PRDM16: variants seen among roughly 807,000 people sequenced by gnomAD.
The protein encoded by PRDM16 is histone-lysine N-methyltransferase PRDM16.
PRDM16 carries 23 observed loss-of-function variants against 110.6 expected under a neutral mutation model. The observed-to-expected ratio is 0.21, with a 90% CI of 0.15 to 0.29. The LOEUF (loss-of-function observed/expected upper bound fraction) is 0.29, where lower values mean the gene tolerates loss of function less well. Among genes scored for constraint, PRDM16 ranks in the 10% least tolerant of loss-of-function variants. The probability of loss-of-function intolerance (pLI) is 1.00; values close to 1 mark genes in which losing one functional copy is unlikely to be tolerated. For missense variants in PRDM16, 1,615 were observed against 1,794.3 expected (o/e 0.90, Z 1.81); for synonymous variants, 799 against 781.8 (o/e 1.02, Z -0.37).
intron 3 of PRDM16, among the ~76,000 whole-genome samples, chr1:3,321,140 G>A (rs1447259819): frequency 3.3e-5 from 5 of 152,216 alleles, no homozygotes; most frequent in Admixed American, 6.5e-5. Context: ...CAGAGGGATC[G>A]GAGAAGTTGG....
rs908013495 is a variant in PRDM16, at chr1:3,267,390, C to T, written c.438+23253C>T. 4.6e-5 allele frequency among the ~76,000 whole-genome samples: 7 copies of T among 152,314 alleles called. No individual in the cohort carries two copies. In the East Asian group the frequency reaches 1.4e-3, roughly 29 times the overall value. On this transcript the variant is annotated intron_variant, in intron 3 of 16. Coordinates refer to ENST00000270722, the MANE Select transcript of PRDM16 (RefSeq NM_022114.4). ...AGTAATATTCCCCTGCGTGGAGGGG[C>T]CACACCTTTTCTATCCACTCGTCCC...
chr1:3,408,605 TGTG>T (rs1643602745), intron 8 of PRDM16, among the ~76,000 whole-genome samples: 1 of 140,564 alleles, frequency 7.1e-6, no homozygotes, highest in Admixed American at 6.9e-5. Flanking sequence ...TGTGAGCTGG[TGTG>T]TGTGTGAGTG....
intron 1 of PRDM16, among the ~76,000 whole-genome samples, chr1:3,100,276 A>T (rs1642501002): frequency 6.6e-6 from 1 of 152,146 alleles, no homozygotes. Flanking sequence ...TGTAGCAGCA[A>T]CGCCACATCA....
rs1401779500 is a variant in PRDM16, at chr1:3,069,547, C to T, written c.37+251C>T. On this transcript the variant is annotated intron_variant, in intron 1 of 16. Coordinates refer to ENST00000270722, the MANE Select transcript of PRDM16 (RefSeq NM_022114.4). This position sits in a 1 kb window ranked among gnomAD's most constrained non-coding sequence, Gnocchi z 6.1. ...GCCCCCTCCCCGCGGAACCCCCTCCCCCCCCACCAGTGTCAGGCGCTCGGG... is the reference window on the plus strand; with the variant it reads ...GCCCCCTCCCCGCGGAACCCCCTCCTCCCCCACCAGTGTCAGGCGCTCGGG... Among the ~76,000 whole-genome samples the T allele has an allele frequency of 3.4e-5, 5 of 149,180 alleles. No individual in the cohort carries two copies. The highest frequency in any genetic ancestry group is 1.2e-4 in the African/African-American group (5 of 41,108).
intron 1 of PRDM16, among the ~76,000 whole-genome samples, chr1:3,181,680 A>AGTCTTACACACG (rs1305190404): frequency 9.6e-5 from 13 of 134,758 alleles, no homozygotes; most frequent in African/African-American, 3.2e-4. Flanking sequence ...TTACACGCGC[A>AGTCTTACACACG]GTCTTACACA....
intron 1 of PRDM16, among the ~76,000 whole-genome samples, chr1:3,185,894 C>G (rs531032555): frequency 1.3e-5 from 2 of 152,296 alleles, no homozygotes; most frequent in African/African-American, 2.4e-5. Context: ...AATGTTGGCC[C>G]CAAAGGAGCC....
At chr1:3,373,367 C>A (rs1642937941) in intron 3 of PRDM16, among the ~76,000 whole-genome samples, 1 of 152,208 alleles carries the variant, frequency 6.6e-6, no homozygotes, top group Non-Finnish European at 1.5e-5. Flanking sequence ...TTTGCGGTGA[C>A]CCACATCTGG....
At chr1:3,179,362 C>T (rs1402560374) in intron 1 of PRDM16, among the ~76,000 whole-genome samples, 7 of 152,340 alleles carry the variant, frequency 4.6e-5, no homozygotes, top group African/African-American at 1.7e-4. Context: ...TTCCAGCCCT[C>T]AGCCCCTCAC....
At chr1:3,356,592 C>T (rs573054780) in intron 3 of PRDM16, among the ~76,000 whole-genome samples, 2 of 152,308 alleles carry the variant, frequency 1.3e-5, no homozygotes, top group South Asian at 4.1e-4. Flanking sequence ...GCCCATGGAG[C>T]GTTTGCTGTG....
At chr1:3,374,983 C>G (rs1311586582) in intron 3 of PRDM16, among the ~76,000 whole-genome samples, 1 of 152,206 alleles carries the variant, frequency 6.6e-6, no homozygotes, top group Admixed American at 6.5e-5. Flanking sequence ...CAGGGGTCCT[C>G]CAGGACATCT....
intron 3 of PRDM16, among the ~76,000 whole-genome samples, chr1:3,338,279 C>T (rs940484036): frequency 2.6e-5 from 4 of 152,268 alleles, no homozygotes; most frequent in African/African-American, 9.6e-5. Flanking sequence ...CTGCCAGGGG[C>T]TCCTGTGGCC....
rs1331395761 is a variant in PRDM16 at position 3,181,632 on chromosome 1, AGTCTTACACACG to A, written c.38-4470_38-4459del. ...GTCTTACACACGGTCTTACACATGC[AGTCTTACACACG>A]GTCTTACACACGGTCTTACACAGTC... is the stretch of plus-strand genomic sequence containing the variant. On this transcript the variant is annotated intron_variant, in intron 1 of 16. Coordinates refer to ENST00000270722, the MANE Select transcript of PRDM16 (RefSeq NM_022114.4). Among the ~76,000 whole-genome samples the A allele has an allele frequency of 3.7e-3, 459 of 123,430 alleles. 17 individuals are homozygous for A. In the East Asian group the frequency reaches 0.057, roughly 15 times the overall value. The allele number at this position is 123,430 out of a possible 152,430, so 81.0% of individuals were successfully genotyped here.
At chr1:3,107,973 C>T (rs1237582913) in intron 1 of PRDM16, among the ~76,000 whole-genome samples, 2 of 152,260 alleles carry the variant, frequency 1.3e-5, no homozygotes, top group South Asian at 2.1e-4. Flanking sequence ...AATAGCAAGG[C>T]AGCACTGGCA....
chr1:3,374,051 G>A (rs1642952225), intron 3 of PRDM16, among the ~76,000 whole-genome samples: 1 of 152,208 alleles, frequency 6.6e-6, no homozygotes, highest in Non-Finnish European at 1.5e-5. Flanking sequence ...TTGGATGGAG[G>A]TCCCCATACC....
chr1:3,414,766 C>T (rs1643752510), intron 10 of PRDM16, 119 bp downstream of exon 10: 2 of 717,600 alleles, frequency 2.8e-6, no homozygotes. Flanking sequence ...CCATACCACG[C>T]ACAGACGCCC....
intron 3 of PRDM16, among the ~76,000 whole-genome samples, chr1:3,299,138 G>A (rs12239431): frequency 2.7e-3 from 401 of 151,036 alleles, no homozygotes; most frequent in African/African-American, 9.7e-3. Flanking sequence ...GATCCCAGTC[G>A]TGGTGGCTCT....
intron 4 of PRDM16, among the ~76,000 whole-genome samples, chr1:3,389,226 A>G (rs1643252232): frequency 6.6e-6 from 1 of 152,006 alleles, no homozygotes; most frequent in Admixed American, 6.6e-5. Context: ...ACCAGCCAGC[A>G]CCTCCCCAGA....
At chr1:3,196,296 G>A (rs1242317729) in intron 2 of PRDM16, among the ~76,000 whole-genome samples, 1 of 152,240 alleles carries the variant, frequency 6.6e-6, no homozygotes, top group Non-Finnish European at 1.5e-5. Context: ...ACATGGCTCT[G>A]TCCTCTGCAG....
intron 14 of PRDM16, among the ~76,000 whole-genome samples, chr1:3,430,013 G>A (rs2100700387): frequency 6.6e-6 from 1 of 152,294 alleles, no homozygotes; most frequent in African/African-American, 2.4e-5. Flanking sequence ...TGGCCCTGGG[G>A]CTCTGGGCAT....
Sources: allele counts gnomAD v4.1 joint callset (sites outside exome capture counted in the v4.1 genomes callset), GRCh38; gene constraint gnomAD v4.1.1; non-coding constraint Gnocchi (gnomAD v3.1); transcripts MANE v1.5; gene names NCBI Gene and HGNC (gene_info 2026-07-23, HGNC 2026-07-21).